Variants in SOX5 observed in about 807,000 individuals in gnomAD.
The protein encoded by SOX5 is transcription factor SOX-5.
A neutral mutation model predicts 92.0 loss-of-function variants in SOX5; 9 were observed. That is an observed-to-expected ratio of 0.10 (90% CI 0.06 to 0.17). The LOEUF (loss-of-function observed/expected upper bound fraction) is 0.17, where lower values mean the gene tolerates loss of function less well. Ranked by LOEUF, SOX5 falls within the 10% of genes least tolerant of loss-of-function variation. SOX5 has a pLI of 1.00. For missense variants in SOX5, 642 were observed against 944.5 expected, an observed-to-expected ratio of 0.68 and a Z score of 4.20; for synonymous variants, 344 against 336.3, an observed-to-expected ratio of 1.02 and a Z score of -0.25.
intron 1 of SOX5, among the ~76,000 whole-genome samples, chr12:23,947,725 C>T (rs1285053517): frequency 2.0e-5 from 3 of 149,854 alleles, no homozygotes; most frequent in Admixed American, 2.0e-4. Context: ...AAATTCCCAC[C>T]AGGAGGAAAA....
intron 4 of SOX5, among the ~76,000 whole-genome samples, chr12:24,152,491 G>A (rs1444592018): frequency 6.6e-6 from 1 of 152,016 alleles, no homozygotes. Context: ...TCTGTGCCCT[G>A]GATTCCCCAC....
At chr12:23,616,777 G>T (rs777745400) in intron 8 of SOX5, among the ~76,000 whole-genome samples, 5 of 152,072 alleles carry the variant, frequency 3.3e-5, no homozygotes, top group Non-Finnish European at 5.9e-5. Context: ...GCAAGAAAAT[G>T]ACTTGAGTGG....
intron 3 of SOX5, among the ~76,000 whole-genome samples, chr12:24,242,996 A>G (rs186417480): frequency 2.8e-5 from 4 of 142,084 alleles, no homozygotes; most frequent in Non-Finnish European, 5.9e-5. Flanking sequence ...AACAATTTTA[A>G]GTGAGTGAAG....
chr12:23,662,954 G>T (rs999056887), intron 7 of SOX5, among the ~76,000 whole-genome samples: 1 of 152,128 alleles, frequency 6.6e-6, no homozygotes, highest in African/African-American at 2.4e-5. Context: ...TGAAATAATT[G>T]GCAACCGGAA....
chr12:24,125,401 A>C (rs971219647), intron 4 of SOX5, among the ~76,000 whole-genome samples: 4 of 152,192 alleles, frequency 2.6e-5, no homozygotes, highest in Non-Finnish European at 5.9e-5. Context: ...AGCATGAGGT[A>C]CAAAACAGTT....
chr12:24,442,884 C>T (rs895872770), intron 1 of SOX5, among the ~76,000 whole-genome samples: 1 of 151,858 alleles, frequency 6.6e-6, no homozygotes, highest in African/African-American at 2.4e-5. Context: ...ACCGCATATG[C>T]TAACCATTTA....
rs188761420 is a variant in SOX5 at position 24,182,777 on chromosome 12, G to A, written c.-2+30566C>T. Among the ~76,000 whole-genome samples the A allele has an allele frequency of 2.3e-3, 346 of 152,196 alleles. 2 individuals carry two copies. Among genetic ancestry groups the A allele is most frequent in the African/African-American group, 7.7e-3 (320 of 41,532 alleles). The stretch of plus-strand genomic sequence containing the variant: ...CACCCAAGCTGGAGTGCAGTGGCAC[G>A]ACCTCAGCTCACTGCAACTTCCGCC... On this transcript the variant is annotated intron_variant, in intron 4 of 4. Transcript: ENST00000446891.
At chr12:23,545,046 A>G (rs906050455) in intron 12 of SOX5, among the ~76,000 whole-genome samples, 9 of 152,236 alleles carry the variant, frequency 5.9e-5, no homozygotes, top group Admixed American at 5.9e-4. Flanking sequence ...AGACCCAGAA[A>G]AATGCAAATT....
chr12:23,813,822 G>A lies in SOX5; in HGVS notation c.481+32161C>T, dbSNP rs962368174. On this transcript the variant is annotated intron_variant, in intron 3 of 14. Coordinates refer to ENST00000451604, the MANE Select transcript of SOX5 (RefSeq NM_006940.6). ...TTTAAATATTATAACTATAACTTGGGAGATACTTGCCGAATTATTCTTATT... is the reference window on the plus strand; with the variant it reads ...TTTAAATATTATAACTATAACTTGGAAGATACTTGCCGAATTATTCTTATT... 3.3e-5 allele frequency among the ~76,000 whole-genome samples: 5 copies of A among 152,158 alleles called. No homozygotes were observed. In the South Asian group the frequency reaches 1.0e-3, roughly 32 times the overall value.
intron 2 of SOX5, among the ~76,000 whole-genome samples, chr12:24,310,564 T>C (rs902093566): frequency 6.6e-6 from 1 of 152,180 alleles, no homozygotes; most frequent in East Asian, 1.9e-4. Flanking sequence ...TCCTATAATG[T>C]CTCTTACTGC....
At chr12:24,278,149 C>T (rs538735027) in intron 2 of SOX5, among the ~76,000 whole-genome samples, 2 of 152,298 alleles carry the variant, frequency 1.3e-5, no homozygotes, top group South Asian at 4.1e-4. Context: ...TGAGTAATCT[C>T]TTGGGTGTTT....
intron 4 of SOX5, among the ~76,000 whole-genome samples, chr12:24,077,018 A>T (rs1569535082): frequency 6.6e-6 from 1 of 152,172 alleles, no homozygotes; most frequent in South Asian, 2.1e-4. Context: ...TTGAGAGTGA[A>T]GGTCAAATGT....
intron 4 of SOX5, among the ~76,000 whole-genome samples, chr12:24,211,804 A>G (rs1270832886): frequency 6.6e-6 from 1 of 152,228 alleles, no homozygotes; most frequent in East Asian, 1.9e-4. Context: ...ATAAGACTAC[A>G]GGGATCTATG....
At chr12:23,788,043 AC>A (rs1295390160) in intron 3 of SOX5, among the ~76,000 whole-genome samples, 1 of 151,772 alleles carries the variant, frequency 6.6e-6, no homozygotes, top group African/African-American at 2.4e-5. Context: ...ACTAGATATA[AC>A]AAAAAGACTA....
chr12:24,306,121 A>C (rs1166265570), intron 2 of SOX5, among the ~76,000 whole-genome samples: 1 of 152,170 alleles, frequency 6.6e-6, no homozygotes, highest in Non-Finnish European at 1.5e-5. Context: ...ACTGAGTCCC[A>C]CACCCATAGA....
chr12:24,292,748 T>C (rs1437345850), intron 2 of SOX5, among the ~76,000 whole-genome samples: 4 of 152,248 alleles, frequency 2.6e-5, no homozygotes, highest in Admixed American at 2.6e-4. Flanking sequence ...TCTCAGACTG[T>C]ATCAAGTTTG....
At chr12:23,837,279 T>TTATATTTATATAATATATAAGA (rs1568204698) in intron 3 of SOX5, among the ~76,000 whole-genome samples, 2 of 74,594 alleles carry the variant, frequency 2.7e-5, no homozygotes, top group African/African-American at 1.0e-4. Context: ...TAATATGTAT[T>TTATATTTATATAATATATAAGA]TATATTTATA....
chr12:24,380,491 C>T (rs1390638845), intron 1 of SOX5, among the ~76,000 whole-genome samples: 1 of 152,202 alleles, frequency 6.6e-6, no homozygotes, highest in Non-Finnish European at 1.5e-5. Context: ...ACATGGTACT[C>T]AATTCTTGAT....
chr12:23,570,392 A>G (rs1054548950), intron 10 of SOX5, among the ~76,000 whole-genome samples: 2 of 152,140 alleles, frequency 1.3e-5, no homozygotes, highest in Non-Finnish European at 2.9e-5. Flanking sequence ...TGATAATCCA[A>G]TGGCTTTCCA....
Sources: allele counts gnomAD v4.1 joint callset (sites outside exome capture counted in the v4.1 genomes callset), GRCh38; gene constraint gnomAD v4.1.1; transcripts MANE v1.5; gene names NCBI Gene and HGNC (gene_info 2026-07-23, HGNC 2026-07-21).